GLCCI1: variants seen among roughly 807,000 people sequenced by gnomAD.
GLCCI1 encodes the protein glucocorticoid-induced transcript 1 protein.
GLCCI1 carries 24 observed loss-of-function variants against 52.2 expected under a neutral mutation model. The ratio of observed to expected loss-of-function variants is 0.46; its 90% CI spans 0.33 to 0.65. GLCCI1 has a LOEUF of 0.65. Ranked by LOEUF, GLCCI1 falls within the 30% of genes least tolerant of loss-of-function variation. GLCCI1 has a pLI of 0.02. For missense variants in GLCCI1, 704 were observed against 701.5 expected, an observed-to-expected ratio of 1.00 and a Z score of -0.04; for synonymous variants, 310 against 276.5, an observed-to-expected ratio of 1.12 and a Z score of -1.20.
chr7:8,032,317 C>T (rs1220147736), intron 3 of GLCCI1, among the ~76,000 whole-genome samples: 1 of 151,894 alleles, frequency 6.6e-6, no homozygotes, highest in Non-Finnish European at 1.5e-5. Flanking sequence ...CAGAGAAAAA[C>T]TTCTCATTAA....
chr7:7,978,422 A>G (rs1475779903), intron 1 of GLCCI1, among the ~76,000 whole-genome samples: 1 of 152,180 alleles, frequency 6.6e-6, no homozygotes, highest in Non-Finnish European at 1.5e-5. Flanking sequence ...CTACCTTAAA[A>G]AAATTATTTA....
At chr7:8,063,361 G>T (rs1425541840) in intron 5 of GLCCI1, among the ~76,000 whole-genome samples, 1 of 151,732 alleles carries the variant, frequency 6.6e-6, no homozygotes, top group South Asian at 2.1e-4. Flanking sequence ...GGCCAGGCTG[G>T]TCTTGAACTC....
At chr7:7,976,995 C>T (rs933698047) in intron 1 of GLCCI1, among the ~76,000 whole-genome samples, 2 of 151,718 alleles carry the variant, frequency 1.3e-5, no homozygotes, top group Admixed American at 1.3e-4. Context: ...AAAACTGCTA[C>T]AACTTCCTGT....
At position 8,086,208 on chromosome 7, in the gene GLCCI1, C is replaced by T. The variant is rs1226526562; in HGVS notation, c.1314C>T (p.Ile438=). ...ATGGTTTTAGGTCTCGTCAGCCTAT[C>T]TCGGCCCCTCTCTTTTCATGTCCTG... The part of the protein sequence containing the change: ...VFEEMASRQP[I]SAPLFSCPDK... Residue 438 remains isoleucine, a synonymous_variant, in exon 8 of 8, where the codon ATC becomes ATT. Coordinates refer to ENST00000223145, the MANE Select transcript of GLCCI1 (RefSeq NM_138426.4). This position sits in a 1 kb window ranked among gnomAD's most constrained non-coding sequence, Gnocchi z 4.4. 1.1e-5 allele frequency: 17 copies of T among 1,613,270 alleles called. No homozygotes were observed. The highest frequency in any genetic ancestry group is 1.4e-5 in the Non-Finnish European group (17 of 1,179,682).
intron 1 of GLCCI1, among the ~76,000 whole-genome samples, chr7:7,984,806 T>C (rs1466848672): frequency 6.6e-6 from 1 of 152,246 alleles, no homozygotes; most frequent in Non-Finnish European, 1.5e-5. Context: ...ATTCCCTTTC[T>C]GTCTGAGTTT....
chr7:8,016,658 T>G (rs1270283495), intron 2 of GLCCI1, among the ~76,000 whole-genome samples: 2 of 152,130 alleles, frequency 1.3e-5, no homozygotes, highest in African/African-American at 4.8e-5. Context: ...AGGGAAAACT[T>G]TTCCATGCTA....
At chr7:8,042,561 C>T (rs559835470) in intron 3 of GLCCI1, among the ~76,000 whole-genome samples, 190 of 152,200 alleles carry the variant, frequency 1.2e-3, no homozygotes, top group African/African-American at 4.2e-3. Context: ...GCCTATAATC[C>T]CAACACTTTG....
At chr7:8,015,515 T>C (rs1781360489) in intron 2 of GLCCI1, among the ~76,000 whole-genome samples, 1 of 152,204 alleles carries the variant, frequency 6.6e-6, no homozygotes, top group Non-Finnish European at 1.5e-5. Context: ...TTATTTTTTA[T>C]GGAGCTGGCC....
At chr7:8,036,837 A>C (rs1202400848) in intron 3 of GLCCI1, among the ~76,000 whole-genome samples, 1 of 152,170 alleles carries the variant, frequency 6.6e-6, no homozygotes, top group Non-Finnish European at 1.5e-5. Flanking sequence ...CTGCAAGTTA[A>C]TCCAGCTAGA....
At chr7:8,048,266 TAA>T in intron 3 of GLCCI1, among the ~76,000 whole-genome samples, 1 of 152,112 alleles carries the variant, frequency 6.6e-6, no homozygotes, top group Non-Finnish European at 1.5e-5. Context: ...TCTTAGCCTC[TAA>T]AATTCTAGAA....
chr7:8,077,880 C>T (rs779282684), intron 6 of GLCCI1, among the ~76,000 whole-genome samples: 4 of 151,962 alleles, frequency 2.6e-5, no homozygotes, highest in Non-Finnish European at 4.4e-5. Context: ...AGAAATTGAA[C>T]GGTTGGGGTA....
At chr7:8,080,231 A>G (rs1291735427) in intron 6 of GLCCI1, among the ~76,000 whole-genome samples, 1 of 151,554 alleles carries the variant, frequency 6.6e-6, no homozygotes, top group Non-Finnish European at 1.5e-5. Flanking sequence ...AGTATATTTT[A>G]ACACTAGAGT....
intron 1 of GLCCI1, among the ~76,000 whole-genome samples, chr7:7,971,348 T>C (rs752325548): frequency 6.6e-6 from 1 of 152,246 alleles, no homozygotes. Flanking sequence ...AACAGATTAA[T>C]GCCATATGCA....
At chr7:8,059,904 G>T (rs892829302) in intron 4 of GLCCI1, among the ~76,000 whole-genome samples, 192 bp from the exon 5 acceptor site, 2 of 152,108 alleles carry the variant, frequency 1.3e-5, no homozygotes, top group African/African-American at 2.4e-5. Context: ...GGATTATTTT[G>T]ACTATGTAAT....
intron 6 of GLCCI1, among the ~76,000 whole-genome samples, chr7:8,073,201 T>A (rs1433688286): frequency 6.6e-6 from 1 of 152,152 alleles, no homozygotes. Context: ...AAACCTGCAT[T>A]AATTCTCAAA....
chr7:7,979,258 G>C (rs1386100609), intron 1 of GLCCI1, among the ~76,000 whole-genome samples: 3 of 152,128 alleles, frequency 2.0e-5, no homozygotes, highest in African/African-American at 7.2e-5. Flanking sequence ...TTACATGCCA[G>C]AGTGACCTCT....
chr7:8,007,810 AAAAT>A (rs1173880925), intron 2 of GLCCI1, among the ~76,000 whole-genome samples: 46 of 152,322 alleles, frequency 3.0e-4, no homozygotes, highest in African/African-American at 1.1e-3. Flanking sequence ...TTGACATAAA[AAAAT>A]TAATATTGTT....
chr7:8,071,800 C>G lies in GLCCI1; in HGVS notation c.1177+669C>G, dbSNP rs936264964. The stretch of plus-strand genomic sequence containing the variant: ...GCCATATAGACTGCCCAGCTTCTTC[C>G]TTCCTAGCTACTTACAAAGAAACAC... On this transcript the variant is annotated intron_variant, in intron 6 of 7. Coordinates refer to ENST00000223145, the MANE Select transcript of GLCCI1 (RefSeq NM_138426.4). Among the ~76,000 whole-genome samples the G allele has an allele frequency of 9.8e-5, 15 of 152,306 alleles. No homozygotes were observed. In the East Asian group the frequency reaches 2.7e-3, roughly 27 times the overall value.
intron 3 of GLCCI1, among the ~76,000 whole-genome samples, chr7:8,047,961 C>A (rs1051620705): frequency 1.3e-5 from 2 of 152,130 alleles, no homozygotes; most frequent in Non-Finnish European, 2.9e-5. Context: ...GGTGACTTAT[C>A]ATGGGTGAAG....
Sources: allele counts gnomAD v4.1 joint callset (sites outside exome capture counted in the v4.1 genomes callset), GRCh38; gene constraint gnomAD v4.1.1; non-coding constraint Gnocchi (gnomAD v3.1); transcripts MANE v1.5; gene names NCBI Gene and HGNC (gene_info 2026-07-23, HGNC 2026-07-21).